Variants in CCDC183 observed in about 807,000 individuals in gnomAD.
CCDC183 encodes coiled-coil domain-containing protein 183.
CCDC183 carries 63 observed loss-of-function variants against 65.2 expected under a neutral mutation model. The observed-to-expected ratio is 0.97, with a 90% CI of 0.79 to 1.19. CCDC183 has a LOEUF of 1.19. Among genes scored for constraint, CCDC183 ranks in the 50% most tolerant of loss-of-function variants. The pLI, the probability that CCDC183 is intolerant of heterozygous loss-of-function variation, is 0.00. For synonymous variants in CCDC183, 323 were observed against 276.5 expected (o/e 1.17, Z -1.67); for missense variants, 769 against 689.3 (o/e 1.12, Z -1.30).
Position 136,807,610 on chromosome 9 carries a change from C to G in CCDC183, c.1525C>G (p.Pro509Ala). Residue 509 changes from proline to alanine, a missense_variant, in exon 14 of 14, where the codon CCT becomes GCT. Physicochemically the swap from Pro to Ala is conservative, Grantham distance 27 (BLOSUM62 -1). Transcript: ENST00000338005. The stretch of plus-strand genomic sequence containing the variant: ...CCCCGACATGGACCACAGCTACGTC[C>G]CTTCGCGCGCCGAGATCAAGAGGCA... The part of the protein sequence containing the change: ...QFPDMDHSYV[P>A]SRAEIKRQAQ... 1 of 1,605,830 alleles carries G rather than the reference C, an allele frequency of 6.2e-7. No homozygotes were observed. The highest frequency in any genetic ancestry group is 8.5e-7 in the Non-Finnish European group (1 of 1,176,704).
chr9:136,807,132 C>A, intron 13 of CCDC183, 66 bp downstream of exon 13: 1 of 1,447,870 alleles, frequency 6.9e-7, no homozygotes, highest in South Asian at 1.2e-5. Flanking sequence ...GGGGTGGCGC[C>A]GGCTCCCATC....
rs975941262 is a variant in CCDC183, at chr9:136,800,138, A to G, written c.407A>G (p.Asp136Gly). 1 of 1,371,214 alleles carries G rather than the reference A, an allele frequency of 7.3e-7. No individual in the cohort carries two copies. Among genetic ancestry groups the G allele is most frequent in the African/African-American group, 1.5e-5 (1 of 67,710 alleles). The allele number at this position is 1,371,214 out of a possible 1,614,324, so 84.9% of individuals were successfully genotyped here. ...CTGGACAGCCTGCGGAGCCAGCCCG[A>G]CGCCAGCAAGGAGGAGCTGCGGCTG... Reference protein sequence around the residue: ...LELDSLRSQPDASKEELRLLQ... With the variant: ...LELDSLRSQPGASKEELRLLQ... Residue 136 changes from aspartate (D) to glycine (G), a missense_variant, in exon 4 of 14, where the codon GAC becomes GGC. Asp to Gly is a moderately conservative substitution (Grantham distance 94). Transcript: ENST00000338005.
intron 5 of CCDC183, 45 bp downstream of exon 5, chr9:136,800,538 C>A: frequency 7.8e-7 from 1 of 1,279,932 alleles, no homozygotes; most frequent in Non-Finnish European, 1.1e-6. Context: ...GGGCTGGGAT[C>A]TGGGAGGGGC....
In CCDC183 at chr9:136,804,743, C is replaced by G. The variant is rs7851646; in HGVS notation, c.793-19C>G. 1.2e-6 allele frequency: 2 copies of G among 1,613,494 alleles called. No individual in the cohort carries two copies. The highest frequency in any genetic ancestry group is 3.3e-5 in the Admixed American group (2 of 60,004). ...TGCCAAGGATGTCTCATCCCTTCCC[C>G]GCCCCCACCTCCCATCAGGGCCAGA... On this transcript the variant is annotated intron_variant, in intron 7 of 13. Coordinates refer to ENST00000338005, the MANE Select transcript of CCDC183 (RefSeq NM_001039374.5). The surrounding 1 kb of genome is among the most constrained non-coding windows in gnomAD (Gnocchi z 4.1).
Position 136,796,528 on chromosome 9 carries a change from CT to C in CCDC183, c.70+66del, listed in dbSNP as rs970372748. 6 of 1,167,810 alleles carry C rather than the reference CT, an allele frequency of 5.1e-6. No individual in the cohort carries two copies. In the African/African-American group the frequency reaches 7.6e-5, roughly 15 times the overall value. 72.3% of individuals were successfully genotyped at this position (1,167,810 alleles called of 1,614,324 possible). A position where few individuals can be genotyped will look rare whatever the true frequency, so the allele number is the denominator to read the frequency against. The stretch of plus-strand genomic sequence containing the variant: ...CGTCTGGGGGTTTCTGGGTGCACAA[CT>C]TTTTGTGGGGAAAAGAGAGATCAGA... On this transcript the variant is annotated intron_variant, in intron 1 of 13. Transcript: ENST00000338005.
intron 1 of CCDC183, among the ~76,000 whole-genome samples, chr9:136,796,986 C>T (rs576012225): frequency 6.6e-6 from 1 of 152,218 alleles, no homozygotes; most frequent in South Asian, 2.1e-4. Flanking sequence ...AGAGGGAGGC[C>T]TCTTTGCAGT....
chr9:136,799,289 G>T, intron 2 of CCDC183, 66 bp downstream of exon 2: 2 of 1,519,012 alleles, frequency 1.3e-6, no homozygotes, highest in Non-Finnish European at 1.8e-6. Context: ...ACACACACTC[G>T]GAGGGCGGGC....
intron 5 of CCDC183, 74 bp downstream of exon 5, chr9:136,800,567 A>C: frequency 8.9e-7 from 1 of 1,126,718 alleles, no homozygotes; most frequent in Non-Finnish European, 1.3e-6. Flanking sequence ...CCTGGGGCGG[A>C]GCCGCCCCGC....
Position 136,802,735 on chromosome 9 carries a change from G to C in CCDC183, c.615G>C (p.Ser205=). 1 of 1,613,496 alleles carries C rather than the reference G, an allele frequency of 6.2e-7. No homozygotes were observed. The highest frequency in any genetic ancestry group is 8.5e-7 in the Non-Finnish European group (1 of 1,179,872). ...TGGTCAACTACTGCTCAGAGCTGTC[G>C]GATATGAAGATCATGTCCCAAGATG... ...NLVVNYCSEL[S]DMKIMSQDAM... is the part of the protein sequence containing the mutation. The change falls in exon 6 of 14, where the codon TCG becomes TCC. Residue 205 remains serine, a synonymous_variant. Transcript: ENST00000338005.
In CCDC183 at chr9:136,806,662, C is replaced by T. The variant is rs1801701781; in HGVS notation, c.1268C>T (p.Pro423Leu). The change falls in exon 11 of 14, where the codon CCT becomes CTT. Residue 423 changes from proline to leucine, a missense_variant. Pro to Leu is a moderately conservative substitution (Grantham distance 98). Transcript: ENST00000338005. ...LYVRLMGINL[P>L]ATQREVVLSN... The stretch of plus-strand genomic sequence containing the variant: ...GTCCGGCTGATGGGCATTAACTTGC[C>T]TGCGACCCAGGTACCGGGAGTGAGG... 6.2e-7 allele frequency: 1 copy of T among 1,613,386 alleles called. No individual in the cohort carries two copies. Among genetic ancestry groups the T allele is most frequent in the Non-Finnish European group, 8.5e-7 (1 of 1,180,024 alleles).
At chr9:136,798,325 A>G (rs533314548) in intron 1 of CCDC183, among the ~76,000 whole-genome samples, 77 of 146,324 alleles carry the variant, frequency 5.3e-4, no homozygotes, top group African/African-American at 1.9e-3. Context: ...TTTTTGAGAC[A>G]GAGTCTCATT....
chr9:136,802,474 C>T (rs1357487908), intron 5 of CCDC183, among the ~76,000 whole-genome samples, 190 bp from the exon 6 acceptor site: 1 of 152,226 alleles, frequency 6.6e-6, no homozygotes, highest in Non-Finnish European at 1.5e-5. Context: ...AAAGAGTCCA[C>T]CAGGCCAGCA....
chr9:136,807,449 C>A, intron 13 of CCDC183, 123 bp from the exon 14 acceptor site: 2 of 1,259,974 alleles, frequency 1.6e-6, no homozygotes, highest in Non-Finnish European at 2.1e-6. Context: ...TCCCGGCACG[C>A]TGGGGCTGTC....
chr9:136,798,420 C>T (rs1257925775), intron 1 of CCDC183, among the ~76,000 whole-genome samples: 2 of 152,064 alleles, frequency 1.3e-5, no homozygotes, highest in African/African-American at 2.4e-5. Flanking sequence ...GCCTCAGCCT[C>T]CTGAGTAGCT....
At position 136,802,775 on chromosome 9, in the gene CCDC183, G is replaced by A; in HGVS notation, c.655G>A (p.Asp219Asn). The stretch of plus-strand genomic sequence containing the variant: ...GTCCCAAGATGCCATGATGATCACG[G>A]ATGAGGTCAAGGTGAGCTCAGGGCC... ...IMSQDAMMITDEVKRNMRQRE... is the reference protein window; with the variant it reads ...IMSQDAMMITNEVKRNMRQRE... Residue 219 changes from aspartate to asparagine, a missense_variant, in exon 6 of 14, where the codon GAT becomes AAT. Asp to Asn is a conservative substitution (Grantham distance 23). Coordinates refer to ENST00000338005, the MANE Select transcript of CCDC183 (RefSeq NM_001039374.5). 6.2e-7 allele frequency: 1 copy of A among 1,611,232 alleles called. No individual in the cohort carries two copies. Among genetic ancestry groups the A allele is most frequent in the Non-Finnish European group, 8.5e-7 (1 of 1,178,804 alleles).
chr9:136,800,274 C>T, intron 4 of CCDC183, 105 bp downstream of exon 4: 1 of 1,420,698 alleles, frequency 7.0e-7, no homozygotes, highest in Non-Finnish European at 9.5e-7. Context: ...CTGGGGAGGG[C>T]TCACGGGAGG....
chr9:136,800,304 G>A, intron 4 of CCDC183, 85 bp from the exon 5 acceptor site: 1 of 1,466,530 alleles, frequency 6.8e-7, no homozygotes, highest in Non-Finnish European at 9.2e-7. Flanking sequence ...AAGAGAGCAC[G>A]ACCCTCTCCG....
intron 9 of CCDC183, 170 bp from the exon 10 acceptor site, chr9:136,805,908 C>T (rs114930598): frequency 3.3e-4 from 200 of 611,704 alleles, no homozygotes; most frequent in African/African-American, 3.0e-3. Flanking sequence ...GTGGGAGGAT[C>T]GCTTGAGTCT....
chr9:136,806,437 C>T, intron 10 of CCDC183, 67 bp from the exon 11 acceptor site: 1 of 1,594,550 alleles, frequency 6.3e-7, no homozygotes, highest in Non-Finnish European at 8.6e-7. Context: ...GGACTGGGCT[C>T]CTGGGTGGCC....
Sources: gnomAD v4.1 joint callset for allele counts (sites outside exome capture counted in the v4.1 genomes callset) on GRCh38, gnomAD v4.1.1 for gene constraint, Gnocchi (gnomAD v3.1) non-coding constraint, MANE v1.5 for transcripts, NCBI Gene and HGNC (gene_info 2026-07-23, HGNC 2026-07-21) for gene names.